Variants in TENM3 observed in about 807,000 individuals in gnomAD.
TENM3 encodes the protein teneurin-3.
In TENM3, 63 loss-of-function variants were observed where a neutral mutation model predicts 255.1. The ratio of observed to expected loss-of-function variants is 0.25; its 90% CI spans 0.20 to 0.30. TENM3 has a LOEUF of 0.30. Among genes scored for constraint, TENM3 ranks in the 10% least tolerant of loss-of-function variants. TENM3 has a pLI of 1.00. For synonymous variants in TENM3, 1,306 were observed against 1,322.3 expected, an observed-to-expected ratio of 0.99 and a Z score of 0.27; for missense variants, 2,929 against 3,461.1, an observed-to-expected ratio of 0.85 and a Z score of 3.86.
chr4:181,781,526 G>A, the TENM3 span, among the ~76,000 whole-genome samples: 1 of 152,182 alleles, frequency 6.6e-6, no homozygotes, highest in Non-Finnish European at 1.5e-5. Context: ...GGGCTGAGAT[G>A]ATGGGGTTTT....
the TENM3 span, among the ~76,000 whole-genome samples, chr4:181,511,017 G>A: frequency 1.6e-4 from 25 of 152,172 alleles, no homozygotes; most frequent in Non-Finnish European, 2.9e-4. Flanking sequence ...ACTTTGGGGG[G>A]AGGGTGAAGA....
intron 3 of TENM3, among the ~76,000 whole-genome samples, chr4:182,597,192 C>T (rs982320835): frequency 6.6e-6 from 1 of 151,588 alleles, no homozygotes; most frequent in Non-Finnish European, 1.5e-5. Flanking sequence ...CGCTTGAGCC[C>T]AGGAGTTCAA....
rs1041574540 is a variant in TENM3, at chr4:182,166,861, A to G, written c.-76+22107A>G. Among the ~76,000 whole-genome samples, 6 of 148,702 alleles carry G rather than the reference A, an allele frequency of 4.0e-5. No individual in the cohort carries two copies. The Admixed American group carries it at 4.2e-4, about 10-fold the overall frequency. ...TACTCTTGTGAAATTATTTGTTATA[A>G]TTGTTAAACTCTTGGGTTTTTTTTT... On this transcript the variant is annotated intron_variant, in intron 1 of 2. Transcript: ENST00000512480.
At chr4:182,779,208 TC>T (rs1388608724) in intron 24 of TENM3, among the ~76,000 whole-genome samples, 1 of 148,228 alleles carries the variant, frequency 6.7e-6, no homozygotes, top group Non-Finnish European at 1.5e-5. Flanking sequence ...CCCTCCCCGC[TC>T]CCCCCACCCC....
chr4:182,262,110 A>G (rs970862482), intron 1 of TENM3, among the ~76,000 whole-genome samples: 5 of 152,236 alleles, frequency 3.3e-5, no homozygotes, highest in Non-Finnish European at 7.3e-5. Flanking sequence ...GTGAAGATAA[A>G]TAAGGAAGAA....
the TENM3 span, among the ~76,000 whole-genome samples, chr4:181,969,105 G>C: frequency 6.6e-6 from 1 of 151,786 alleles, no homozygotes; most frequent in Non-Finnish European, 1.5e-5. Context: ...GCATTAGCTT[G>C]TTAATTTTTA....
chr4:181,801,126 G>T, the TENM3 span, among the ~76,000 whole-genome samples: 1 of 152,126 alleles, frequency 6.6e-6, no homozygotes, highest in African/African-American at 2.4e-5. Flanking sequence ...TGGTAGACAG[G>T]CTGGCTTGGC....
At chr4:182,278,039 G>C (rs1034500840) in intron 1 of TENM3, among the ~76,000 whole-genome samples, 2 of 152,144 alleles carry the variant, frequency 1.3e-5, no homozygotes, top group African/African-American at 2.4e-5. Context: ...TTTCCATGCA[G>C]ACCAGAACTG....
chr4:182,265,518 A>G (rs1302573146), intron 1 of TENM3, among the ~76,000 whole-genome samples: 3 of 152,142 alleles, frequency 2.0e-5, no homozygotes, highest in Admixed American at 2.0e-4. Flanking sequence ...ATCAGTGTAA[A>G]ACAGCACCCT....
the TENM3 span, among the ~76,000 whole-genome samples, chr4:181,481,813 T>C: frequency 6.6e-6 from 1 of 152,198 alleles, no homozygotes; most frequent in South Asian, 2.1e-4. Flanking sequence ...GTCTAGCACA[T>C]AGTAAGTGCT....
the TENM3 span, among the ~76,000 whole-genome samples, chr4:181,641,076 C>CG: frequency 6.6e-6 from 1 of 152,088 alleles, no homozygotes; most frequent in East Asian, 1.9e-4. Flanking sequence ...AATATTGAAG[C>CG]GGGGCTTCCT....
chr4:182,571,964 C>T (rs191385670), intron 3 of TENM3, among the ~76,000 whole-genome samples: 1,785 of 152,220 alleles, frequency 0.012, 31 homozygotes, highest in African/African-American at 0.035. Flanking sequence ...TGCAGTGGCG[C>T]GATCCTGGCT....
At chr4:182,103,405 A>G in the TENM3 span, among the ~76,000 whole-genome samples, 6 of 152,274 alleles carry the variant, frequency 3.9e-5, no homozygotes, top group African/African-American at 1.2e-4. Flanking sequence ...ACAGAATTTT[A>G]CATTAATCTG....
intron 22 of TENM3, among the ~76,000 whole-genome samples, chr4:182,756,512 A>G (rs972873148): frequency 2.6e-5 from 4 of 152,234 alleles, no homozygotes; most frequent in Non-Finnish European, 5.9e-5. Flanking sequence ...TGGCATGTTG[A>G]CAAACGCAAA....
chr4:182,486,767 T>C (rs1734779454), intron 3 of TENM3, among the ~76,000 whole-genome samples: 1 of 152,106 alleles, frequency 6.6e-6, no homozygotes, highest in Admixed American at 6.6e-5. Context: ...GTGGTCCAGA[T>C]TGTCTTATTG....
the TENM3 span, among the ~76,000 whole-genome samples, chr4:181,987,065 C>T: frequency 6.6e-6 from 1 of 152,022 alleles, no homozygotes; most frequent in African/African-American, 2.4e-5. Context: ...CAAAACCAAC[C>T]CGTCCCAAAA....
At chr4:182,312,714 C>T (rs1005645353) in intron 1 of TENM3, among the ~76,000 whole-genome samples, 8 of 152,158 alleles carry the variant, frequency 5.3e-5, no homozygotes, top group Non-Finnish European at 1.2e-4. Flanking sequence ...TGATTTAAGC[C>T]ATCATAGAAA....
intron 12 of TENM3, among the ~76,000 whole-genome samples, chr4:182,690,666 C>T (rs533652281): frequency 7.9e-5 from 12 of 152,122 alleles, no homozygotes; most frequent in African/African-American, 1.9e-4. Flanking sequence ...TATCCATAGG[C>T]GGATTTAACT....
chr4:181,532,123 G>T, the TENM3 span, among the ~76,000 whole-genome samples: 1 of 152,080 alleles, frequency 6.6e-6, no homozygotes, highest in African/African-American at 2.4e-5. Flanking sequence ...AAGAAAGTGG[G>T]GTCCCACCGG....
Sources: gnomAD v4.1 joint callset for allele counts (sites outside exome capture counted in the v4.1 genomes callset) on GRCh38, gnomAD v4.1.1 for gene constraint, MANE v1.5 for transcripts, NCBI Gene and HGNC (gene_info 2026-07-23, HGNC 2026-07-21) for gene names.